The following DPP10 variants were observed in gnomAD, a reference collection of about 807,000 sequenced individuals.
The protein encoded by DPP10 is inactive dipeptidyl peptidase 10.
In DPP10, 33 loss-of-function variants were observed where a neutral mutation model predicts 120.9. The ratio of observed to expected loss-of-function variants is 0.27; its 90% CI spans 0.21 to 0.37. DPP10 has a LOEUF of 0.37. DPP10 is among the 10% of genes least tolerant of loss of function. DPP10 has a pLI of 1.00. For synonymous variants in DPP10, 337 were observed against 326.1 expected, an observed-to-expected ratio of 1.03 and a Z score of -0.36; for missense variants, 816 against 942.8, an observed-to-expected ratio of 0.87 and a Z score of 1.76.
At chr2:115,471,240 T>G (rs1391550638) in intron 3 of DPP10, among the ~76,000 whole-genome samples, 1 of 152,224 alleles carries the variant, frequency 6.6e-6, no homozygotes, top group Non-Finnish European at 1.5e-5. Flanking sequence ...CTCAAAAGCA[T>G]CCTACCTTGA....
rs1694592184 is a variant in DPP10, at chr2:114,914,099, A to C, written c.61-395140A>C. 2.6e-5 allele frequency among the ~76,000 whole-genome samples: 4 copies of C among 152,242 alleles called. No individual in the cohort carries two copies. In the East Asian group the frequency reaches 7.7e-4, roughly 29 times the overall value. ...TGTAAAGAGACCAAATCTATGATTC[A>C]TTGGCATCCTAGAAAGAGAAGGAGA... On this transcript the variant is annotated intron_variant, in intron 1 of 25. Coordinates refer to ENST00000410059, the MANE Select transcript of DPP10 (RefSeq NM_020868.6).
chr2:115,197,949 G>C (rs896564938), intron 1 of DPP10, among the ~76,000 whole-genome samples: 1 of 152,118 alleles, frequency 6.6e-6, no homozygotes, highest in Admixed American at 6.5e-5. Flanking sequence ...ATCTCTGGAC[G>C]TGATAAATGC....
At chr2:114,477,512 T>G (rs1680519893) in intron 1 of DPP10, among the ~76,000 whole-genome samples, 1 of 112,648 alleles carries the variant, frequency 8.9e-6, no homozygotes, top group Non-Finnish European at 1.9e-5. Context: ...CACATTTATG[T>G]GTGTGTATAT....
At chr2:114,688,827 A>G (rs1462300968) in intron 1 of DPP10, among the ~76,000 whole-genome samples, 1 of 151,920 alleles carries the variant, frequency 6.6e-6, no homozygotes, top group East Asian at 1.9e-4. Context: ...ATGCTACATG[A>G]ATCATTACCA....
chr2:114,502,391 C>T (rs13383131), intron 1 of DPP10, among the ~76,000 whole-genome samples: 19,334 of 152,198 alleles, frequency 0.13, 2,925 homozygotes, highest in African/African-American at 0.37. Flanking sequence ...TTAATATAGA[C>T]AAGACTAGTT....
At chr2:115,407,081 A>G (rs572566390) in intron 3 of DPP10, among the ~76,000 whole-genome samples, 3 of 152,302 alleles carry the variant, frequency 2.0e-5, no homozygotes, top group Admixed American at 6.5e-5. Flanking sequence ...AACCTCACAG[A>G]TCGAATCCCA....
intron 1 of DPP10, among the ~76,000 whole-genome samples, chr2:115,037,851 T>C (rs1704335747): frequency 6.6e-6 from 1 of 152,224 alleles, no homozygotes; most frequent in South Asian, 2.1e-4. Flanking sequence ...CTTCAAAGTC[T>C]AAAGAGTAAT....
chr2:114,718,333 G>A (rs1048980910), intron 1 of DPP10, among the ~76,000 whole-genome samples: 2 of 149,830 alleles, frequency 1.3e-5, no homozygotes, highest in East Asian at 2.0e-4. Context: ...CCTGGGAGGC[G>A]GAGGTTGCAG....
At chr2:114,988,989 A>G (rs904612132) in intron 1 of DPP10, among the ~76,000 whole-genome samples, 2 of 152,196 alleles carry the variant, frequency 1.3e-5, no homozygotes, top group African/African-American at 4.8e-5. Context: ...AACACCAAAC[A>G]GTATTTTTAT....
chr2:114,524,956 C>G (rs1685373072), intron 1 of DPP10, among the ~76,000 whole-genome samples: 1 of 152,134 alleles, frequency 6.6e-6, no homozygotes, highest in African/African-American at 2.4e-5. Flanking sequence ...GGCTTCCAAT[C>G]ATTGGTCATT....
intron 1 of DPP10, among the ~76,000 whole-genome samples, chr2:114,978,781 G>C (rs1460828927): frequency 1.3e-5 from 2 of 152,042 alleles, no homozygotes; most frequent in African/African-American, 2.4e-5. Flanking sequence ...CATGACATTG[G>C]TAGATAATTT....
chr2:114,932,232 A>G (rs1696128828), intron 1 of DPP10, among the ~76,000 whole-genome samples: 1 of 152,268 alleles, frequency 6.6e-6, no homozygotes. Flanking sequence ...CTAAAGTTTG[A>G]AAACTACTGC....
intron 1 of DPP10, chr2:115,162,312 C>G (rs1044059229): frequency 6.7e-7 from 1 of 1,490,628 alleles, no homozygotes; most frequent in Non-Finnish European, 8.9e-7. Flanking sequence ...CGGCGGGCGG[C>G]CCACCGAGGG....
At chr2:114,942,986 G>A (rs756031577) in intron 1 of DPP10, among the ~76,000 whole-genome samples, 2 of 152,056 alleles carry the variant, frequency 1.3e-5, no homozygotes, top group Non-Finnish European at 2.9e-5. Context: ...TGCCATGGTG[G>A]TTTGCTGCAC....
At chr2:115,467,357 C>T (rs181724594) in intron 3 of DPP10, among the ~76,000 whole-genome samples, 122 of 151,964 alleles carry the variant, frequency 8.0e-4, no homozygotes, top group Non-Finnish European at 1.3e-3. Context: ...GTCAGGAGTT[C>T]GAGACCAGCC....
intron 1 of DPP10, among the ~76,000 whole-genome samples, chr2:115,187,331 C>T (rs1041066163): frequency 2.0e-5 from 3 of 151,984 alleles, no homozygotes. Flanking sequence ...CCACCGCGCC[C>T]GGCCGGTGCA....
intron 1 of DPP10, among the ~76,000 whole-genome samples, chr2:115,159,329 G>A (rs1052645973): frequency 5.3e-5 from 8 of 152,130 alleles, no homozygotes; most frequent in African/African-American, 1.2e-4. Context: ...GTGGTGGCGC[G>A]CGCCTGTAGT....
rs556660047 is a variant in DPP10 at position 115,641,770 on chromosome 2, G to A, written c.442-47917G>A. On this transcript the variant is annotated intron_variant, in intron 5 of 25. Coordinates refer to ENST00000410059, the MANE Select transcript of DPP10 (RefSeq NM_020868.6). ...AAATGGAAGGAATTCAATTATATTT[G>A]ACATTTGGTAGGCAGCCAGATTCAG... Among the ~76,000 whole-genome samples, 4 of 149,684 alleles carry A rather than the reference G, an allele frequency of 2.7e-5. No individual in the cohort carries two copies. In the South Asian group the frequency reaches 6.2e-4, roughly 23 times the overall value.
At chr2:114,498,350 C>T (rs74933781) in intron 1 of DPP10, among the ~76,000 whole-genome samples, 2,312 of 152,168 alleles carry the variant, frequency 0.015, 55 homozygotes, top group African/African-American at 0.053. Context: ...GCTTTGGTAA[C>T]CATCATTCTA....
Sources: allele counts gnomAD v4.1 joint callset (sites outside exome capture counted in the v4.1 genomes callset), GRCh38; gene constraint gnomAD v4.1.1; transcripts MANE v1.5; gene names NCBI Gene and HGNC (gene_info 2026-07-23, HGNC 2026-07-21).